CDK5RAP1: variants seen among roughly 807,000 people sequenced by gnomAD.
CDK5RAP1 encodes the protein CDK5RAP1 mitochondrial tRNA methylthiotransferase.
Under a neutral mutation model 64.5 loss-of-function variants are expected in CDK5RAP1, and 62 were observed. The ratio of observed to expected loss-of-function variants is 0.96; its 90% CI spans 0.78 to 1.19. The LOEUF (loss-of-function observed/expected upper bound fraction) is 1.19, where lower values mean the gene tolerates loss of function less well. CDK5RAP1 is among the 50% of genes most tolerant of loss of function. The probability of loss-of-function intolerance (pLI) is 0.00; values close to 1 mark genes in which losing one functional copy is unlikely to be tolerated. For missense variants in CDK5RAP1, 657 were observed against 735.0 expected (o/e 0.89, Z 1.23); for synonymous variants, 250 against 261.9 (o/e 0.95, Z 0.44).
chr20:33,376,963 T>C (rs1986076740), intron 8 of CDK5RAP1, among the ~76,000 whole-genome samples: 1 of 152,198 alleles, frequency 6.6e-6, no homozygotes, highest in Non-Finnish European at 1.5e-5. Flanking sequence ...TTTAGCATCA[T>C]TCTTAAGGGC....
chr20:33,362,446 G>C (rs1461060198), intron 12 of CDK5RAP1, among the ~76,000 whole-genome samples: 1 of 152,118 alleles, frequency 6.6e-6, no homozygotes, highest in Non-Finnish European at 1.5e-5. Flanking sequence ...AACAGAAGCT[G>C]AGCAGCATCA....
At chr20:33,387,219 G>C in intron 6 of CDK5RAP1, 104 bp downstream of exon 6, 1 of 822,542 alleles carries the variant, frequency 1.2e-6, no homozygotes, top group South Asian at 1.7e-5. Context: ...TCATGACACT[G>C]CACTCCAGCC....
intron 8 of CDK5RAP1, among the ~76,000 whole-genome samples, chr20:33,379,115 A>G (rs1986412190): frequency 6.6e-6 from 1 of 152,064 alleles, no homozygotes; most frequent in South Asian, 2.1e-4. Flanking sequence ...TCAGTCTCCC[A>G]AGTAGCCAGA....
intron 7 of CDK5RAP1, 76 bp from the exon 8 acceptor site, chr20:33,379,767 T>G (rs1270335223): frequency 4.7e-6 from 5 of 1,069,882 alleles, no homozygotes; most frequent in African/African-American, 1.6e-5. Context: ...AAAAATTAGC[T>G]GAAATTAACA....
intron 4 of CDK5RAP1, among the ~76,000 whole-genome samples, chr20:33,393,282 C>T (rs941824723): frequency 4.6e-5 from 7 of 151,998 alleles, no homozygotes; most frequent in Admixed American, 2.6e-4. Flanking sequence ...CTCAAGTGAT[C>T]CTCCCACCTC....
intron 8 of CDK5RAP1, among the ~76,000 whole-genome samples, chr20:33,376,110 T>C (rs373149460): frequency 1.3e-5 from 2 of 152,172 alleles, no homozygotes; most frequent in East Asian, 1.9e-4. Context: ...GGGTGGATCA[T>C]GAAGTCAAGA....
At chr20:33,367,207 A>C (rs1984150350) in intron 11 of CDK5RAP1, among the ~76,000 whole-genome samples, 199 bp from the exon 12 acceptor site, 1 of 152,182 alleles carries the variant, frequency 6.6e-6, no homozygotes, top group African/African-American at 2.4e-5. Context: ...TATTTTTGCA[A>C]GGGTTAAATT....
chr20:33,395,624 T>C (rs138932808), intron 2 of CDK5RAP1, among the ~76,000 whole-genome samples: 165 of 152,200 alleles, frequency 1.1e-3, no homozygotes, highest in African/African-American at 3.7e-3. Context: ...TATACCACAT[T>C]ATATATCCAC....
At chr20:33,370,360 T>C in intron 11 of CDK5RAP1, 139 bp downstream of exon 11, 2 of 786,322 alleles carry the variant, frequency 2.5e-6, no homozygotes, top group African/African-American at 1.7e-5. Flanking sequence ...ACTAGAAAAA[T>C]GAACGGAAGT....
At chr20:33,396,472 T>G (rs1261479056) in intron 2 of CDK5RAP1, among the ~76,000 whole-genome samples, 2 of 152,134 alleles carry the variant, frequency 1.3e-5, no homozygotes, top group Non-Finnish European at 2.9e-5. Context: ...GGCTAATTTT[T>G]TATTTTTTGT....
chr20:33,375,517 T>A (rs1160590392), intron 8 of CDK5RAP1, among the ~76,000 whole-genome samples: 1 of 151,882 alleles, frequency 6.6e-6, no homozygotes, highest in Non-Finnish European at 1.5e-5. Flanking sequence ...ATAAAGGATA[T>A]GTAAAGAACT....
At chr20:33,378,791 T>G (rs1986356686) in intron 8 of CDK5RAP1, among the ~76,000 whole-genome samples, 1 of 152,016 alleles carries the variant, frequency 6.6e-6, no homozygotes, top group Non-Finnish European at 1.5e-5. Context: ...GAGCACCACA[T>G]CACCTCCTTC....
rs774681800 is a variant in CDK5RAP1 at position 33,385,673 on chromosome 20, C to A, written c.853G>T (p.Glu285Ter). 5.0e-6 allele frequency: 8 copies of A among 1,614,086 alleles called. No individual in the cohort carries two copies. The highest frequency in any genetic ancestry group is 1.3e-5 in the African/African-American group (1 of 74,942). Residue 285 changes from glutamate to a stop codon, truncating the protein, a stop_gained, in exon 7 of 14, where the codon GAA (glutamate) becomes TAA (stop). Transcript: ENST00000346416. LOFTEE classifies it high-confidence loss of function. ...RSRPIASILE[E>*]VKKLSEQGLK... is the part of the protein sequence containing the mutation. Reference sequence around the variant, plus strand: ...ACCTGCTCAGAAAGCTTCTTCACTTCCTCTAGAATGGAGGCAATAGGCCGA... The same window carrying A: ...ACCTGCTCAGAAAGCTTCTTCACTTACTCTAGAATGGAGGCAATAGGCCGA...
At chr20:33,398,231 G>A (rs1469155674) in intron 1 of CDK5RAP1, among the ~76,000 whole-genome samples, 1 of 152,218 alleles carries the variant, frequency 6.6e-6, no homozygotes, top group Non-Finnish European at 1.5e-5. Flanking sequence ...AGTGGCTCAT[G>A]CCTGTAATCC....
intron 12 of CDK5RAP1, among the ~76,000 whole-genome samples, chr20:33,365,775 A>G (rs940324258): frequency 2.6e-5 from 4 of 152,138 alleles, no homozygotes; most frequent in African/African-American, 9.7e-5. Context: ...CCTTTCTCCA[A>G]GGACAGTGGT....
chr20:33,375,687 G>A (rs1985881364), intron 8 of CDK5RAP1, among the ~76,000 whole-genome samples: 1 of 151,996 alleles, frequency 6.6e-6, no homozygotes, highest in South Asian at 2.1e-4. Context: ...ACACAATATA[G>A]GCATACCTCA....
At position 33,372,603 on chromosome 20, in the gene CDK5RAP1, A is replaced by G. The variant is rs112186200; in HGVS notation, c.1261+39T>C. On this transcript the variant is annotated intron_variant, in intron 10 of 13. Coordinates refer to ENST00000346416, the MANE Select transcript of CDK5RAP1 (RefSeq NM_016408.4). ...TCTAACCACAAGGCTGGTCACTGGT[A>G]GAGTAACATGCTCAGCAGAATGAGT... 904 of 1,166,528 alleles carry G rather than the reference A, an allele frequency of 7.7e-4. 7 individuals carry two copies. In the African/African-American group the frequency reaches 0.012, roughly 15 times the overall value. The allele number at this position is 1,166,528 out of a possible 1,614,324, so 72.3% of individuals were successfully genotyped here.
chr20:33,364,763 G>A (rs1385091643), intron 12 of CDK5RAP1, among the ~76,000 whole-genome samples: 6 of 151,840 alleles, frequency 4.0e-5, no homozygotes, highest in Admixed American at 1.3e-4. Flanking sequence ...TAGTAGAGAC[G>A]GGGTTTCTCC....
intron 12 of CDK5RAP1, among the ~76,000 whole-genome samples, chr20:33,365,814 C>T (rs1163926003): frequency 3.3e-5 from 5 of 152,184 alleles, no homozygotes; most frequent in African/African-American, 7.2e-5. Flanking sequence ...CCATAAAGTG[C>T]GCAGTTCCTG....
Sources: gnomAD v4.1 joint callset for allele counts (sites outside exome capture counted in the v4.1 genomes callset) on GRCh38, gnomAD v4.1.1 for gene constraint, MANE v1.5 for transcripts, NCBI Gene and HGNC (gene_info 2026-07-23, HGNC 2026-07-21) for gene names.